Variants in CDH13 observed in about 807,000 individuals in gnomAD.
CDH13 encodes cadherin 13, also known as cadherin-13.
In CDH13, 24 loss-of-function variants were observed where a neutral mutation model predicts 63.8. That is an observed-to-expected ratio of 0.38 (90% CI 0.27 to 0.53). CDH13 has a LOEUF of 0.53. Ranked by LOEUF, CDH13 falls within the 20% of genes least tolerant of loss-of-function variation. The probability of loss-of-function intolerance (pLI) is 0.85; values close to 1 mark genes in which losing one functional copy is unlikely to be tolerated. For synonymous variants in CDH13, 503 were observed against 355.3 expected, an observed-to-expected ratio of 1.42 and a Z score of -4.67; for missense variants, 1,049 against 903.1, an observed-to-expected ratio of 1.16 and a Z score of -2.07.
Position 83,088,636 on chromosome 16 carries a change from A to C in CDH13, c.367-36749A>C, listed in dbSNP as rs74033117. The stretch of plus-strand genomic sequence containing the variant: ...CATAGGATTGTTGTGAGAACAAAGT[A>C]TTTACATTCTTCATATAATCAGAAC... On this transcript the variant is annotated intron_variant, in intron 3 of 13. Coordinates refer to ENST00000567109, the MANE Select transcript of CDH13 (RefSeq NM_001257.5). Among the ~76,000 whole-genome samples, 992 of 152,316 alleles carry C rather than the reference A, an allele frequency of 6.5e-3. 14 individuals carry two copies. The highest frequency in any genetic ancestry group is 0.023 in the African/African-American group (962 of 41,560).
At position 83,340,386 on chromosome 16, in the gene CDH13, T is replaced by G. The variant is rs577126425; in HGVS notation, c.637-4476T>G. On this transcript the variant is annotated intron_variant, in intron 5 of 13. Coordinates refer to ENST00000567109, the MANE Select transcript of CDH13 (RefSeq NM_001257.5). ...TACAAACATCTGTCTTCCTGGCCTGTGTACTTGGGAGTGGTGAATGAGTCC... is the reference window on the plus strand; with the variant it reads ...TACAAACATCTGTCTTCCTGGCCTGGGTACTTGGGAGTGGTGAATGAGTCC... Among the ~76,000 whole-genome samples the G allele has an allele frequency of 3.3e-5, 5 of 152,130 alleles. 1 individual carries two copies.
At chr16:83,309,795 A>T (rs1222117188) in intron 5 of CDH13, among the ~76,000 whole-genome samples, 1 of 151,910 alleles carries the variant, frequency 6.6e-6, no homozygotes, top group Non-Finnish European at 1.5e-5. Context: ...TTCGCTTGCT[A>T]TAACTCCCAT....
chr16:83,497,190 T>C (rs945777157), intron 7 of CDH13, among the ~76,000 whole-genome samples: 42 of 152,106 alleles, frequency 2.8e-4, no homozygotes, highest in African/African-American at 9.9e-4. Context: ...TAAATCATGC[T>C]GCTATAAAGA....
At chr16:83,578,988 C>T (rs1025568957) in intron 7 of CDH13, among the ~76,000 whole-genome samples, 1 of 152,208 alleles carries the variant, frequency 6.6e-6, no homozygotes, top group African/African-American at 2.4e-5. Context: ...AGTGTCTGTT[C>T]CTGTTATGAA....
chr16:83,769,005 C>T (rs995328914), intron 11 of CDH13, among the ~76,000 whole-genome samples: 1 of 152,194 alleles, frequency 6.6e-6, no homozygotes, highest in Non-Finnish European at 1.5e-5. Flanking sequence ...TGCTCTGGTT[C>T]AAACACCTTG....
At chr16:83,234,327 T>C (rs2040085384) in intron 5 of CDH13, among the ~76,000 whole-genome samples, 1 of 152,204 alleles carries the variant, frequency 6.6e-6, no homozygotes, top group Non-Finnish European at 1.5e-5. Flanking sequence ...TTATTCCTGT[T>C]TGGCACAGTC....
chr16:83,582,720 A>G (rs1489002712), intron 7 of CDH13, among the ~76,000 whole-genome samples: 2 of 152,190 alleles, frequency 1.3e-5, no homozygotes, highest in Non-Finnish European at 2.9e-5. Context: ...GCTGACGGCC[A>G]GTGGAAATGG....
chr16:82,753,173 T>C (rs2034486135), intron 1 of CDH13, among the ~76,000 whole-genome samples: 1 of 152,164 alleles, frequency 6.6e-6, no homozygotes, highest in Non-Finnish European at 1.5e-5. Flanking sequence ...ACAGCCTCTC[T>C]GGGAAGAAGG....
intron 10 of CDH13, among the ~76,000 whole-genome samples, chr16:83,697,743 G>T (rs535908625): frequency 2.0e-5 from 3 of 152,306 alleles, no homozygotes; most frequent in Non-Finnish European, 4.4e-5. Flanking sequence ...CACCTCCCAC[G>T]TTCAAGCAAT....
At chr16:83,201,744 TAAAA>T (rs556572476) in intron 4 of CDH13, among the ~76,000 whole-genome samples, 4 of 132,184 alleles carry the variant, frequency 3.0e-5, no homozygotes, top group Non-Finnish European at 4.9e-5. Flanking sequence ...AAAAAAAAAT[TAAAA>T]AAAAAAAAAA....
At chr16:82,940,349 C>T (rs567071340) in intron 2 of CDH13, among the ~76,000 whole-genome samples, 43 of 152,126 alleles carry the variant, frequency 2.8e-4, no homozygotes, top group Admixed American at 8.5e-4. Flanking sequence ...ACAGTCACCT[C>T]GGGGAGTAAT....
Position 83,164,720 on chromosome 16 carries a change from C to CAAAAAAAA in CDH13, c.483+39226_483+39227insAAAAAAAA, listed in dbSNP as rs771135269. 6.5e-4 allele frequency among the ~76,000 whole-genome samples: 90 copies of CAAAAAAAA among 138,750 alleles called. 1 individual carries two copies. The East Asian group carries it at 0.014, about 21-fold the overall frequency. The allele number at this position is 138,750 out of a possible 152,430, so 91.0% of individuals were successfully genotyped here. On this transcript the variant is annotated intron_variant, in intron 4 of 13. Transcript: ENST00000567109. ...GGGTGACAAGAGCGAGACTCTGTCT[C>CAAAAAAAA]AAAAAAAGAAAAAAAAAATCATCGT... is the stretch of plus-strand genomic sequence containing the variant.
chr16:82,664,726 C>G (rs922935549), intron 1 of CDH13, among the ~76,000 whole-genome samples: 2 of 152,140 alleles, frequency 1.3e-5, no homozygotes, highest in African/African-American at 4.8e-5. Context: ...TTTCACTTTA[C>G]TGGTTTGGTA....
chr16:82,653,088 G>A (rs1910915360), intron 1 of CDH13, among the ~76,000 whole-genome samples: 1 of 152,182 alleles, frequency 6.6e-6, no homozygotes, highest in African/African-American at 2.4e-5. Context: ...CAGTGTGAAT[G>A]AGCTTGGGAG....
Position 82,659,363 on chromosome 16 carries a change from C to A in CDH13, c.45+32226C>A, listed in dbSNP as rs16958024. Among the ~76,000 whole-genome samples, 2,820 of 152,208 alleles carry A rather than the reference C, an allele frequency of 0.019. 223 individuals carry two copies. The East Asian group carries it at 0.25, about 13-fold the overall frequency. On this transcript the variant is annotated intron_variant, in intron 1 of 13. Coordinates refer to ENST00000567109, the MANE Select transcript of CDH13 (RefSeq NM_001257.5). ...TCATAATCCTGGAAAGACGGCCTTG[C>A]CATTGAGAGGGGAATAGCAGGAGCA...
At position 83,068,683 on chromosome 16, in the gene CDH13, C is replaced by G. The variant is rs1315945800; in HGVS notation, c.366+36465C>G. 2.0e-5 allele frequency among the ~76,000 whole-genome samples: 3 copies of G among 152,210 alleles called. 1 individual carries two copies. Among genetic ancestry groups the G allele is most frequent in the Admixed American group, 2.0e-4 (3 of 15,276 alleles). On this transcript the variant is annotated intron_variant, in intron 3 of 13. Transcript: ENST00000567109. ...ATGCCATTAATTAAAAAAATATGCC[C>G]CACAGCTCTGCAAGAAGAATTCAGC...
intron 7 of CDH13, among the ~76,000 whole-genome samples, chr16:83,590,667 G>A (rs1348919447): frequency 1.3e-5 from 2 of 152,136 alleles, no homozygotes; most frequent in Non-Finnish European, 2.9e-5. Flanking sequence ...CATTTAAATT[G>A]CATCATAAAT....
chr16:83,515,970 GTTCTTTGTA>G (rs1390677180), intron 7 of CDH13, among the ~76,000 whole-genome samples: 3 of 152,142 alleles, frequency 2.0e-5, no homozygotes, highest in Non-Finnish European at 4.4e-5. Context: ...TGTTATCCAT[GTTCTTTGTA>G]TTAGCTGAAT....
intron 5 of CDH13, among the ~76,000 whole-genome samples, chr16:83,232,345 C>T (rs1050295385): frequency 6.0e-5 from 9 of 149,804 alleles, no homozygotes; most frequent in Admixed American, 2.0e-4. Flanking sequence ...GCCAACATGG[C>T]GAAGCCCTGT....
Sources: gnomAD v4.1 joint callset for allele counts (sites outside exome capture counted in the v4.1 genomes callset) on GRCh38, gnomAD v4.1.1 for gene constraint, MANE v1.5 for transcripts, NCBI Gene and HGNC (gene_info 2026-07-23, HGNC 2026-07-21) for gene names.